Variants in NEBL observed in about 807,000 individuals in gnomAD.
The protein encoded by NEBL is nebulette.
Under a neutral mutation model 140.2 loss-of-function variants are expected in NEBL, and 122 were observed. That is an observed-to-expected ratio of 0.87 (90% CI 0.75 to 1.01). NEBL has a LOEUF of 1.01. Ranked by LOEUF, NEBL falls within the 50% of genes least tolerant of loss-of-function variation. The pLI is 0.00. For synonymous variants in NEBL, 436 were observed against 398.9 expected, an observed-to-expected ratio of 1.09 and a Z score of -1.11; for missense variants, 1,365 against 1,231.3, an observed-to-expected ratio of 1.11 and a Z score of -1.62.
intron 3 of NEBL, among the ~76,000 whole-genome samples, chr10:20,964,149 C>CCCCTTTG (rs1311349146): frequency 6.6e-6 from 1 of 152,094 alleles, no homozygotes; most frequent in Admixed American, 6.6e-5. Context: ...TCTCATGTGG[C>CCCCTTTG]CCCTTTGCCC....
chr10:20,879,555 TAATATCA>T (rs1260217630), intron 5 of NEBL, among the ~76,000 whole-genome samples: 1 of 152,198 alleles, frequency 6.6e-6, no homozygotes, highest in Non-Finnish European at 1.5e-5. Flanking sequence ...TACTGCAATT[TAATATCA>T]AATAACAGTT....
At chr10:21,141,163 A>G (rs1302469205) in intron 2 of NEBL, among the ~76,000 whole-genome samples, 1 of 152,100 alleles carries the variant, frequency 6.6e-6, no homozygotes, top group Non-Finnish European at 1.5e-5. Context: ...ATGAAACAAT[A>G]AACTGCATGA....
intron 4 of NEBL, among the ~76,000 whole-genome samples, chr10:20,885,157 G>A (rs188689463): frequency 6.6e-5 from 10 of 152,270 alleles, no homozygotes; most frequent in Non-Finnish European, 1.0e-4. Flanking sequence ...CCAATACTCC[G>A]AGTTAGGACA....
At chr10:20,829,348 A>C (rs1384310402) in intron 16 of NEBL, among the ~76,000 whole-genome samples, 1 of 151,140 alleles carries the variant, frequency 6.6e-6, no homozygotes, top group African/African-American at 2.4e-5. Context: ...AAAAAACCAA[A>C]CACTGCATAT....
chr10:20,875,598 A>C (rs563037631), intron 5 of NEBL, among the ~76,000 whole-genome samples: 25 of 152,218 alleles, frequency 1.6e-4, no homozygotes, highest in Non-Finnish European at 2.8e-4. Context: ...AGGTGAGTTA[A>C]TAAACCAGAG....
At chr10:21,187,570 G>A (rs1348799810) in intron 3 of NEBL, among the ~76,000 whole-genome samples, 1 of 151,988 alleles carries the variant, frequency 6.6e-6, no homozygotes, top group Non-Finnish European at 1.5e-5. Flanking sequence ...CCGGAATGCA[G>A]TAGCATGATC....
At chr10:21,062,593 A>G (rs1382586901) in intron 2 of NEBL, among the ~76,000 whole-genome samples, 1 of 152,154 alleles carries the variant, frequency 6.6e-6, no homozygotes, top group Non-Finnish European at 1.5e-5. Context: ...ATGCTGAGAC[A>G]GGAGGATCGC....
At chr10:20,883,974 G>A (rs1485368685) in intron 4 of NEBL, among the ~76,000 whole-genome samples, 5 of 152,042 alleles carry the variant, frequency 3.3e-5, no homozygotes, top group African/African-American at 4.8e-5. Context: ...TAAATTTGCC[G>A]ATAAATTTGA....
chr10:21,232,074 C>T (rs1842272478), intron 3 of NEBL, among the ~76,000 whole-genome samples: 1 of 152,218 alleles, frequency 6.6e-6, no homozygotes, highest in South Asian at 2.1e-4. Context: ...AGGGTTAAGT[C>T]ACACTTCCCT....
chr10:20,963,942 A>T (rs1836176209), intron 3 of NEBL, among the ~76,000 whole-genome samples: 1 of 152,208 alleles, frequency 6.6e-6, no homozygotes, highest in South Asian at 2.1e-4. Flanking sequence ...TTTCTTTACT[A>T]CACATAGGGA....
At chr10:21,031,358 C>G (rs1374991125) in intron 2 of NEBL, among the ~76,000 whole-genome samples, 1 of 152,086 alleles carries the variant, frequency 6.6e-6, no homozygotes, top group Non-Finnish European at 1.5e-5. Flanking sequence ...AGAGGTTTCC[C>G]CTAGCAGAGG....
chr10:21,106,001 G>T (rs1837699842), intron 2 of NEBL, among the ~76,000 whole-genome samples: 1 of 151,918 alleles, frequency 6.6e-6, no homozygotes, highest in African/African-American at 2.4e-5. Context: ...AGAGGTGTCT[G>T]TTCATATCCT....
chr10:20,953,825 A>G (rs1195427852), intron 4 of NEBL, among the ~76,000 whole-genome samples: 1 of 152,106 alleles, frequency 6.6e-6, no homozygotes, highest in Admixed American at 6.6e-5. Context: ...AAATTAGTCA[A>G]TATTTTACAT....
intron 3 of NEBL, among the ~76,000 whole-genome samples, chr10:20,990,786 T>G (rs546909616): frequency 6.6e-6 from 1 of 152,360 alleles, no homozygotes; most frequent in South Asian, 2.1e-4. Flanking sequence ...TCACTAATCT[T>G]CAGCCAGAAA....
At chr10:21,195,645 T>C (rs970781580) in intron 3 of NEBL, among the ~76,000 whole-genome samples, 1 of 152,234 alleles carries the variant, frequency 6.6e-6, no homozygotes, top group African/African-American at 2.4e-5. Context: ...TTTTATACCA[T>C]GTAACCACAT....
intron 5 of NEBL, among the ~76,000 whole-genome samples, chr10:20,870,729 G>C (rs1444833919): frequency 6.6e-6 from 1 of 152,158 alleles, no homozygotes; most frequent in African/African-American, 2.4e-5. Context: ...GGAATGACTT[G>C]AGCCTCCCAA....
intron 2 of NEBL, among the ~76,000 whole-genome samples, chr10:21,143,173 G>T (rs946593301): frequency 6.6e-6 from 1 of 152,208 alleles, no homozygotes; most frequent in East Asian, 1.9e-4. Context: ...ATGAAGCCAG[G>T]CCCAGTGGCT....
intron 4 of NEBL, among the ~76,000 whole-genome samples, chr10:20,939,517 C>A (rs1210960014): frequency 6.6e-6 from 1 of 152,204 alleles, no homozygotes; most frequent in Non-Finnish European, 1.5e-5. Flanking sequence ...TAGGAAGAAA[C>A]TGCATCAACT....
intron 2 of NEBL, among the ~76,000 whole-genome samples, chr10:21,149,856 A>G (rs1469464077): frequency 6.6e-6 from 1 of 152,128 alleles, no homozygotes; most frequent in Non-Finnish European, 1.5e-5. Context: ...ATTAGAGGAC[A>G]CCCAGCTGAT....
Sources: gnomAD v4.1 joint callset for allele counts (sites outside exome capture counted in the v4.1 genomes callset) on GRCh38, gnomAD v4.1.1 for gene constraint, MANE v1.5 for transcripts, NCBI Gene and HGNC (gene_info 2026-07-23, HGNC 2026-07-21) for gene names.